Variants in TM4SF1 observed in about 807,000 individuals in gnomAD.
TM4SF1 encodes transmembrane 4 L six family member 1, also known as transmembrane 4 L6 family member 1.
TM4SF1 carries 20 observed loss-of-function variants against 24.5 expected under a neutral mutation model. The observed-to-expected ratio is 0.82, with a 90% CI of 0.57 to 1.19. TM4SF1 has a LOEUF of 1.19. TM4SF1 is among the 50% of genes most tolerant of loss of function. TM4SF1 has a pLI of 0.00. For synonymous variants in TM4SF1, 107 were observed against 95.4 expected (o/e 1.12, Z -0.71); for missense variants, 258 against 248.1 (o/e 1.04, Z -0.27).
At chr3:149,369,950 T>C in intron 4 of TM4SF1, 70 bp from the exon 5 acceptor site, 1 of 1,549,972 alleles carries the variant, frequency 6.5e-7, no homozygotes, top group Non-Finnish European at 8.7e-7. Context: ...GTCCTTTAAG[T>C]TCCTATTTTA....
chr3:149,371,900 G>T, intron 3 of TM4SF1, 33 bp from the exon 4 acceptor site: 3 of 1,606,562 alleles, frequency 1.9e-6, no homozygotes, highest in East Asian at 2.2e-5. Context: ...CTGACACACG[G>T]TCATACTTGA....
At position 149,375,443 on chromosome 3, in the gene TM4SF1, T is replaced by G. The variant is rs201545966; in HGVS notation, c.413A>C (p.Gln138Pro). 3 of 1,614,130 alleles carry G rather than the reference T, an allele frequency of 1.9e-6. No individual in the cohort carries two copies. The Admixed American group carries it at 5.0e-5, about 27-fold the overall frequency. ...WNYTFASTEG[Q>P]YLLDTSTWSE... ...AGCCATGTAGAGAGTAATTACATAC[T>G]GGCCCTCAGTGCTGGCAAAGGTGTA... The change falls in exon 3 of 5, where the codon CAG becomes CCG. Residue 138 changes from glutamine to proline, a missense_variant and splice_region_variant. Gln to Pro is a moderately conservative substitution (Grantham distance 76, BLOSUM62 -1). Transcript: ENST00000305366.
At chr3:149,371,207 G>C (rs902821980) in intron 4 of TM4SF1, 1 of 168,896 alleles carries the variant, frequency 5.9e-6, no homozygotes, top group East Asian at 1.7e-4. Flanking sequence ...CTTTTGCACA[G>C]AGCGACTCAA....
intron 4 of TM4SF1, chr3:149,370,162 T>C: frequency 3.3e-6 from 1 of 304,186 alleles, no homozygotes; most frequent in South Asian, 4.9e-5. Context: ...GTTTTAATCT[T>C]AGGGATTTAA....
rs1731926380 is a variant in TM4SF1, at chr3:149,375,462, A to T, written c.394T>A (p.Phe132Ile). 6.2e-7 allele frequency: 1 copy of T among 1,614,060 alleles called. No individual in the cohort carries two copies. Among genetic ancestry groups the T allele is most frequent in the African/African-American group, 1.3e-5 (1 of 74,924 alleles). ...LDSLGQWNYT[F>I]ASTEGQYLLD... is the part of the protein sequence containing the mutation. ...ACATACTGGCCCTCAGTGCTGGCAA[A>T]GGTGTAGTTCCACTGGCCGAGGGAA... The change falls in exon 3 of 5, where the codon TTT becomes ATT. Residue 132 changes from phenylalanine to isoleucine, a missense_variant. Coordinates refer to ENST00000305366, the MANE Select transcript of TM4SF1 (RefSeq NM_014220.3).
In TM4SF1 at chr3:149,369,812, T is replaced by C. The variant is rs1326267828; in HGVS notation, c.*54A>G. 1.1e-5 allele frequency: 18 copies of C among 1,606,032 alleles called. No individual in the cohort carries two copies. The South Asian group carries it at 2.0e-4, about 18-fold the overall frequency. On this transcript the variant is annotated 3_prime_UTR_variant, in exon 5 of 5. Coordinates refer to ENST00000305366, the MANE Select transcript of TM4SF1 (RefSeq NM_014220.3). ...TTTACAAATGAATACAAGTGAAATA[T>C]ATAAATTACAATGAAATAGAGGAAG... is the stretch of plus-strand genomic sequence containing the variant.
chr3:149,377,252 C>T, intron 1 of TM4SF1, 119 bp downstream of exon 1: 1 of 1,282,306 alleles, frequency 7.8e-7, no homozygotes, highest in Non-Finnish European at 1.1e-6. Context: ...AAGGAATGAA[C>T]AGCAACAAAA....
At chr3:149,371,591 G>T in intron 4 of TM4SF1, 96 bp downstream of exon 4, 2 of 1,235,534 alleles carry the variant, frequency 1.6e-6, no homozygotes, top group Non-Finnish European at 2.4e-6. Context: ...AATGCTGGTA[G>T]GTCGAGCATG....
Position 149,375,522 on chromosome 3 carries a change from C to T in TM4SF1, c.334G>A (p.Ala112Thr). ...AGSGYCVIVA[A>T]LGLAEGPLCL... ...AGTGGTCCTTCTGCTAAGCCAAGGG[C>T]TGCCACAATGACACAGTAGCCAGAT... The change falls in exon 3 of 5, where the codon GCC becomes ACC. Residue 112 changes from alanine to threonine, a missense_variant. Transcript: ENST00000305366. The T allele has an allele frequency of 6.2e-7, 1 of 1,614,212 alleles. No individual in the cohort carries two copies. The highest frequency in any genetic ancestry group is 1.1e-5 in the South Asian group (1 of 91,082).
chr3:149,376,830 C>A (rs1036012852), intron 1 of TM4SF1, among the ~76,000 whole-genome samples: 1 of 152,208 alleles, frequency 6.6e-6, no homozygotes, highest in Non-Finnish European at 1.5e-5. Context: ...TAGCTTCAGA[C>A]ACCGACCTGC....
At chr3:149,372,540 G>A (rs1367403934) in intron 3 of TM4SF1, among the ~76,000 whole-genome samples, 1 of 152,082 alleles carries the variant, frequency 6.6e-6, no homozygotes, top group Non-Finnish European at 1.5e-5. Flanking sequence ...GAGACCTTTG[G>A]AACAAAGCTA....
intron 3 of TM4SF1, among the ~76,000 whole-genome samples, chr3:149,373,731 C>T (rs1262263701): frequency 3.3e-5 from 5 of 152,182 alleles, no homozygotes; most frequent in African/African-American, 7.2e-5. Context: ...TATTGAAATC[C>T]TTGGACAGTT....
intron 1 of TM4SF1, among the ~76,000 whole-genome samples, chr3:149,376,724 T>C (rs78403820): frequency 2.1e-3 from 323 of 152,354 alleles, no homozygotes; most frequent in Middle Eastern, 0.014. Flanking sequence ...TTCCATGCTG[T>C]GGTTGAAGCT....
intron 3 of TM4SF1, among the ~76,000 whole-genome samples, chr3:149,373,871 T>C (rs150916247): frequency 1.2e-3 from 176 of 152,320 alleles, no homozygotes; most frequent in African/African-American, 4.1e-3. Context: ...TGCATTCTGG[T>C]TGCATAAGTC....
intron 3 of TM4SF1, among the ~76,000 whole-genome samples, chr3:149,373,276 T>C (rs547310959): frequency 2.6e-5 from 4 of 152,372 alleles, no homozygotes; most frequent in African/African-American, 4.8e-5. Context: ...TATCTGACTA[T>C]AGATTCTAGG....
chr3:149,370,905 G>A (rs557660512), intron 4 of TM4SF1: 2 of 152,214 alleles, frequency 1.3e-5, no homozygotes, highest in East Asian at 3.9e-4. Context: ...TCAAAGATAG[G>A]ATCAAAGCTG....
At position 149,371,837 on chromosome 3, in the gene TM4SF1, C is replaced by G. The variant is rs749316634; in HGVS notation, c.444G>C (p.Glu148Asp). 1.2e-6 allele frequency: 2 copies of G among 1,613,866 alleles called. No homozygotes were observed. The highest frequency in any genetic ancestry group is 2.7e-5 in the African/African-American group (2 of 74,862). ...QYLLDTSTWSECTEPKHIVEW... is the reference protein window; with the variant it reads ...QYLLDTSTWSDCTEPKHIVEW... ...CCACAATGTGCTTGGGTTCAGTGCA[C>G]TCGGACCATGTGGAGGTATCCAGAA... The change falls in exon 4 of 5, where the codon GAG becomes GAC. Residue 148 changes from glutamate to aspartate, a missense_variant. Transcript: ENST00000305366.
In TM4SF1 at chr3:149,375,717, C is replaced by T. The variant is rs1170484778; in HGVS notation, c.230G>A (p.Gly77Asp). ...FIGLEQDDCC[G>D]CCGHENCGKR... is the part of the protein sequence containing the mutation. Reference sequence around the variant, plus strand: ...GCCACAGTTTTCATGGCCACAGCAGCCACAGCAGTCATCCTGTTCCAGCCC... The same window carrying T: ...GCCACAGTTTTCATGGCCACAGCAGTCACAGCAGTCATCCTGTTCCAGCCC... The change falls in exon 2 of 5, where the codon GGC (glycine) becomes GAC (aspartate). Residue 77 changes from glycine (G) to aspartate (D), a missense_variant. Physicochemically the swap from Gly to Asp is moderately conservative, Grantham distance 94 (BLOSUM62 -1). Transcript: ENST00000305366. 1.9e-6 allele frequency: 3 copies of T among 1,614,248 alleles called. No individual in the cohort carries two copies. The highest frequency in any genetic ancestry group is 2.5e-6 in the Non-Finnish European group (3 of 1,180,038).
At chr3:149,375,210 G>GA (rs557820027) in intron 3 of TM4SF1, among the ~76,000 whole-genome samples, 1 of 150,364 alleles carries the variant, frequency 6.7e-6, no homozygotes, top group Admixed American at 6.6e-5. Flanking sequence ...GTCTCTGGGG[G>GA]AAAAAAAAAG....
Sources: allele counts gnomAD v4.1 joint callset (sites outside exome capture counted in the v4.1 genomes callset), GRCh38; gene constraint gnomAD v4.1.1; transcripts MANE v1.5; gene names NCBI Gene and HGNC (gene_info 2026-07-23, HGNC 2026-07-21).